The following MYO18B variants were observed in gnomAD, a reference collection of about 807,000 sequenced individuals.
MYO18B encodes myosin XVIIIB.
In MYO18B, 204 loss-of-function variants were observed where a neutral mutation model predicts 273.0. That is an observed-to-expected ratio of 0.75 (90% confidence interval 0.67 to 0.84). The LOEUF (loss-of-function observed/expected upper bound fraction) is 0.84. MYO18B is among the 40% of genes least tolerant of loss of function. MYO18B has a pLI of 0.00. For missense variants in MYO18B, 3,212 were observed against 3,287.6 expected, an observed-to-expected ratio of 0.98 and a Z score of 0.56; for synonymous variants, 1,330 against 1,305.7, an observed-to-expected ratio of 1.02 and a Z score of -0.40.
At position 25,780,046 on chromosome 22, in the gene MYO18B, C is replaced by T. The variant is rs1264071381; in HGVS notation, c.2069-10C>T. 6.3e-7 allele frequency: 1 copy of T among 1,579,834 alleles called. No homozygotes were observed. On this transcript the variant is annotated splice_polypyrimidine_tract_variant and intron_variant, in intron 8 of 43. Coordinates refer to ENST00000335473, the MANE Select transcript of MYO18B (RefSeq NM_032608.7). Reference sequence around the variant, plus strand: ...ATCAGTGACATGTGGCCCCATGCTGCCCCCAACAGTGGAGAAGATCCGAGC... The same window carrying T: ...ATCAGTGACATGTGGCCCCATGCTGTCCCCAACAGTGGAGAAGATCCGAGC...
intron 3 of MYO18B, among the ~76,000 whole-genome samples, chr22:25,764,216 A>G (rs1479456695): frequency 6.6e-6 from 1 of 152,188 alleles, no homozygotes; most frequent in Non-Finnish European, 1.5e-5. Flanking sequence ...AGTTGAATGC[A>G]ATGTGGCCCT....
chr22:25,978,444 G>C (rs1362606830), intron 39 of MYO18B, among the ~76,000 whole-genome samples: 2 of 152,192 alleles, frequency 1.3e-5, no homozygotes, highest in Admixed American at 1.3e-4. Context: ...TGGGGTGCAA[G>C]GTGTGGGCAG....
chr22:25,998,826 A>G (rs1933623870), intron 40 of MYO18B, among the ~76,000 whole-genome samples: 1 of 152,182 alleles, frequency 6.6e-6, no homozygotes, highest in Non-Finnish European at 1.5e-5. Context: ...GAGAAGGTTG[A>G]TGCTGCAGTT....
At chr22:26,034,666 A>C (rs139181401), downstream of MYO18B, among the ~76,000 whole-genome samples, 592 of 152,296 alleles carry the variant, frequency 3.9e-3, 5 homozygotes, top group African/African-American at 0.014. Context: ...ATCCATGTGG[A>C]TTAAATGCTC....
At chr22:25,827,097 G>T (rs977288883) in intron 14 of MYO18B, among the ~76,000 whole-genome samples, 4 of 152,136 alleles carry the variant, frequency 2.6e-5, no homozygotes, top group African/African-American at 9.7e-5. Flanking sequence ...TCCTAACAGT[G>T]ATTGTAAAAA....
chr22:25,876,430 C>G, intron 24 of MYO18B, 98 bp downstream of exon 24: 1 of 1,346,488 alleles, frequency 7.4e-7, no homozygotes, highest in African/African-American at 1.5e-5. Flanking sequence ...CCTGAATGTT[C>G]TTGATCTAGG....
intron 39 of MYO18B, among the ~76,000 whole-genome samples, chr22:25,963,178 T>TCTCTCACACACACACACA (rs774304270): frequency 2.8e-5 from 4 of 144,180 alleles, no homozygotes; most frequent in African/African-American, 7.8e-5. Context: ...TCTCTCTCTC[T>TCTCTCACACACACACACA]CACACACACA....
intron 1 of MYO18B, among the ~76,000 whole-genome samples, chr22:25,747,844 C>T (rs1013178890): frequency 4.6e-5 from 7 of 152,110 alleles, no homozygotes; most frequent in East Asian, 3.9e-4. Context: ...GTACTCAAAC[C>T]GCTCCGTGAA....
intron 21 of MYO18B, among the ~76,000 whole-genome samples, chr22:25,866,784 C>CAAAA (rs56260207): frequency 2.5e-4 from 10 of 40,186 alleles, no homozygotes; most frequent in Non-Finnish European, 5.7e-4. Context: ...GACTCCGTCT[C>CAAAA]AAAAAAAAAA....
chr22:25,785,854 T>C (rs2087362411), intron 11 of MYO18B, among the ~76,000 whole-genome samples: 1 of 152,082 alleles, frequency 6.6e-6, no homozygotes, highest in Non-Finnish European at 1.5e-5. Flanking sequence ...ATCTGCCTCA[T>C]AGGGTTGTTG....
intron 4 of MYO18B, among the ~76,000 whole-genome samples, chr22:25,769,856 A>G (rs2086652708): frequency 6.7e-6 from 1 of 149,220 alleles, no homozygotes; most frequent in Non-Finnish European, 1.5e-5. Context: ...GCATTTATGT[A>G]GTATTTTTTT....
At chr22:26,055,577 T>A in the MYO18B span, among the ~76,000 whole-genome samples, 1 of 152,286 alleles carries the variant, frequency 6.6e-6, no homozygotes, top group Non-Finnish European at 1.5e-5. Context: ...TCGTGGAAAG[T>A]GGTGTTTGAA....
chr22:25,847,751 G>C, intron 20 of MYO18B, 99 bp downstream of exon 20: 1 of 848,414 alleles, frequency 1.2e-6, no homozygotes, highest in Admixed American at 2.3e-5. Flanking sequence ...CATGTGCTAG[G>C]AGCTTCACAC....
chr22:25,790,218 G>A (rs1259931602), intron 11 of MYO18B, among the ~76,000 whole-genome samples: 2 of 152,228 alleles, frequency 1.3e-5, no homozygotes, highest in Non-Finnish European at 2.9e-5. Flanking sequence ...AGGGGACGTG[G>A]TTCACCGAAC....
At chr22:25,819,130 C>T (rs562067595) in intron 12 of MYO18B, among the ~76,000 whole-genome samples, 55 of 152,252 alleles carry the variant, frequency 3.6e-4, no homozygotes, top group Non-Finnish European at 7.1e-4. Flanking sequence ...TGTGCACCGG[C>T]CAGCCTTCGG....
At chr22:25,821,394 G>T (rs2089275984) in intron 12 of MYO18B, among the ~76,000 whole-genome samples, 1 of 150,562 alleles carries the variant, frequency 6.6e-6, no homozygotes, top group Non-Finnish European at 1.5e-5. Flanking sequence ...GTTTTGATTT[G>T]CATTTCCCTG....
intron 39 of MYO18B, among the ~76,000 whole-genome samples, chr22:25,963,050 T>TTTCCTTGTTC (rs1311505269): frequency 2.0e-5 from 3 of 152,100 alleles, no homozygotes; most frequent in Admixed American, 6.6e-5. Context: ...TTTCTTTTGC[T>TTTCCTTGTTC]TTCCTTGTTC....
At chr22:25,823,449 C>A in intron 12 of MYO18B, 56 bp from the exon 13 acceptor site, 2 of 1,564,286 alleles carry the variant, frequency 1.3e-6, no homozygotes, top group South Asian at 1.2e-5. Context: ...CTCGGGTGTT[C>A]ATTCACCCCA....
At chr22:25,922,963 C>T (rs971772799) in intron 34 of MYO18B, among the ~76,000 whole-genome samples, 7 of 152,196 alleles carry the variant, frequency 4.6e-5, no homozygotes, top group African/African-American at 1.7e-4. Context: ...TTTCCTCTCC[C>T]GGGATCCAAC....
Sources: allele counts gnomAD v4.1 joint callset (sites outside exome capture counted in the v4.1 genomes callset), GRCh38; gene constraint gnomAD v4.1.1; transcripts MANE v1.5; gene names NCBI Gene and HGNC (gene_info 2026-07-23, HGNC 2026-07-21).